Variants in LRRC8B observed in about 807,000 individuals in gnomAD.
LRRC8B encodes the protein leucine rich repeat containing 8 VRAC subunit B.
Under a neutral mutation model 58.8 loss-of-function variants are expected in LRRC8B, and 23 were observed. The observed-to-expected ratio is 0.39, with a 90% confidence interval of 0.28 to 0.55. The LOEUF (loss-of-function observed/expected upper bound fraction) is 0.55. Among genes scored for constraint, LRRC8B ranks in the 20% least tolerant of loss-of-function variants. The pLI, the probability that LRRC8B is intolerant of heterozygous loss-of-function variation, is 0.62. For missense variants in LRRC8B, 694 were observed against 936.0 expected, an observed-to-expected ratio of 0.74 and a Z score of 3.37; for synonymous variants, 359 against 374.1, an observed-to-expected ratio of 0.96 and a Z score of 0.47.
Position 89,583,000 on chromosome 1 carries a change from T to C in LRRC8B, c.350T>C (p.Phe117Ser). Residue 117 changes from phenylalanine (F) to serine (S), a missense_variant, in exon 5 of 6, where the codon TTT becomes TCT. By Grantham distance (155) the Phe-to-Ser change is radical. Around this residue, in one of 5 missense-constraint regions of LRRC8B, gnomAD observed 316 missense variants for 403.8 expected, o/e 0.78. Coordinates refer to ENST00000330947, the MANE Select transcript of LRRC8B (RefSeq NM_001369817.2). ...AVCYEKQLHWFAKFFPYLVLL... is the reference protein window; with the variant it reads ...AVCYEKQLHWSAKFFPYLVLL... Reference sequence around the variant, plus strand: ...TGTTACGAGAAACAGCTCCATTGGTTTGCAAAGTTTTTCCCCTATCTGGTG... The same window carrying C: ...TGTTACGAGAAACAGCTCCATTGGTCTGCAAAGTTTTTCCCCTATCTGGTG... 6.2e-7 allele frequency: 1 copy of C among 1,614,178 alleles called. No homozygotes were observed. The highest frequency in any genetic ancestry group is 8.5e-7 in the Non-Finnish European group (1 of 1,180,032).
chr1:89,545,359 G>A (rs1651325302), intron 1 of LRRC8B, among the ~76,000 whole-genome samples: 1 of 152,172 alleles, frequency 6.6e-6, no homozygotes, highest in Admixed American at 6.5e-5. Context: ...AATTTAGAGA[G>A]GGAGAGAGGA....
At chr1:89,532,943 T>C (rs564148693) in intron 1 of LRRC8B, among the ~76,000 whole-genome samples, 4 of 152,176 alleles carry the variant, frequency 2.6e-5, no homozygotes, top group Non-Finnish European at 5.9e-5. Context: ...ACTCTGGGCT[T>C]CTCCTTGCTT....
intron 1 of LRRC8B, among the ~76,000 whole-genome samples, chr1:89,560,993 A>G (rs1413622124): frequency 1.1e-4 from 17 of 150,090 alleles, no homozygotes; most frequent in Admixed American, 2.6e-4. Flanking sequence ...ACTAGTTTAC[A>G]GTCCCACCAA....
chr1:89,576,413 A>G (rs1158210913), intron 3 of LRRC8B, among the ~76,000 whole-genome samples: 1 of 152,132 alleles, frequency 6.6e-6, no homozygotes, highest in East Asian at 1.9e-4. Flanking sequence ...GGCCTCTCCT[A>G]GACCAATTGA....
At chr1:89,532,246 G>A (rs1333870337) in intron 1 of LRRC8B, among the ~76,000 whole-genome samples, 1 of 152,122 alleles carries the variant, frequency 6.6e-6, no homozygotes. Context: ...GCTTGTTTAT[G>A]CTCTATTCCC....
intron 1 of LRRC8B, among the ~76,000 whole-genome samples, chr1:89,542,250 T>C (rs938247821): frequency 6.6e-6 from 1 of 152,220 alleles, no homozygotes; most frequent in African/African-American, 2.4e-5. Flanking sequence ...TCTGGCTCAG[T>C]TCTCACAGTG....
chr1:89,533,464 G>A (rs359927), intron 1 of LRRC8B, among the ~76,000 whole-genome samples: 38 of 152,096 alleles, frequency 2.5e-4, no homozygotes, highest in Admixed American at 2.2e-3. Context: ...GCTTCATTCC[G>A]TAGCTTTGTT....
At chr1:89,587,268 A>G (rs1654688861) in intron 5 of LRRC8B, among the ~76,000 whole-genome samples, 2 of 152,236 alleles carry the variant, frequency 1.3e-5, no homozygotes, top group Non-Finnish European at 2.9e-5. Context: ...AAGATTATTT[A>G]CAACCTTCAG....
chr1:89,526,789 C>T (rs1241626491), intron 1 of LRRC8B, among the ~76,000 whole-genome samples: 1 of 152,188 alleles, frequency 6.6e-6, no homozygotes, highest in Non-Finnish European at 1.5e-5. Flanking sequence ...ATTAAGTTTA[C>T]CATTCTTTGA....
intron 4 of LRRC8B, among the ~76,000 whole-genome samples, chr1:89,581,574 G>A (rs1654229452): frequency 1.3e-5 from 2 of 152,170 alleles, no homozygotes; most frequent in Non-Finnish European, 1.5e-5. Flanking sequence ...AACAATTGAT[G>A]TATGTAAGAC....
At chr1:89,567,083 T>G (rs1399375747) in intron 1 of LRRC8B, among the ~76,000 whole-genome samples, 1 of 152,212 alleles carries the variant, frequency 6.6e-6, no homozygotes, top group Non-Finnish European at 1.5e-5. Flanking sequence ...CTGGTGGACG[T>G]GCTGACGCAG....
chr1:89,584,037 G>A lies in LRRC8B; in HGVS notation c.1387G>A (p.Val463Ile), dbSNP rs1654442235. 5 of 1,614,030 alleles carry A rather than the reference G, an allele frequency of 3.1e-6. No homozygotes were observed. Among genetic ancestry groups the A allele is most frequent in the Non-Finnish European group, 4.2e-6 (5 of 1,180,038 alleles). The change falls in exon 5 of 6, where the codon GTC becomes ATC. Residue 463 changes from valine (V) to isoleucine (I), a missense_variant. By Grantham distance (29) the Val-to-Ile change is conservative. This residue lies in a region of LRRC8B where 162 missense variants were observed against 198.5 expected (regional missense o/e 0.82). Coordinates refer to ENST00000330947, the MANE Select transcript of LRRC8B (RefSeq NM_001369817.2). ...GCTGCCCTCTGCAGTCTCACAGCTG[G>A]TCAACCTCAAGGAGCTTCGTGTGTA... ...VKLPSAVSQLVNLKELRVYHS... is the reference protein window; with the variant it reads ...VKLPSAVSQLINLKELRVYHS...
At chr1:89,550,832 G>T (rs1651748557) in intron 1 of LRRC8B, among the ~76,000 whole-genome samples, 1 of 152,128 alleles carries the variant, frequency 6.6e-6, no homozygotes, top group Admixed American at 6.5e-5. Flanking sequence ...TTGAATGACT[G>T]CAGTAGGTTC....
At chr1:89,547,491 T>G (rs952582421) in intron 1 of LRRC8B, among the ~76,000 whole-genome samples, 2 of 152,150 alleles carry the variant, frequency 1.3e-5, no homozygotes, top group African/African-American at 4.8e-5. Context: ...TTTTCCATAA[T>G]AAAATGTTAA....
chr1:89,531,567 GC>G (rs1650133975), intron 1 of LRRC8B, among the ~76,000 whole-genome samples: 1 of 152,168 alleles, frequency 6.6e-6, no homozygotes, highest in South Asian at 2.1e-4. Context: ...TCTGGTAGCA[GC>G]CCTCAGATAG....
chr1:89,549,266 C>T (rs12122757), intron 1 of LRRC8B, among the ~76,000 whole-genome samples: 1 of 152,192 alleles, frequency 6.6e-6, no homozygotes, highest in Non-Finnish European at 1.5e-5. Flanking sequence ...TCTATCAAAG[C>T]TAGCAAAGAG....
At position 89,596,370 on chromosome 1, in the gene LRRC8B, A is replaced by G. The variant is rs530950546; in HGVS notation, c.*3327A>G. On this transcript the variant is annotated 3_prime_UTR_variant, in exon 6 of 6. Transcript: ENST00000330947. ...ACTTCACATTGTGTTAAACAGGGTA[A>G]ATAGAGATCCTCAGTATCTCAGTGC... The G allele has an allele frequency of 1.3e-5, 2 of 152,162 alleles. No homozygotes were observed. The highest frequency in any genetic ancestry group is 2.9e-5 in the Non-Finnish European group (2 of 67,990). The allele number at this position is 152,162 out of a possible 1,614,324, so 9.4% of individuals were successfully genotyped here. A position where few individuals can be genotyped will look rare whatever the true frequency, so the allele number is the denominator to read the frequency against.
chr1:89,579,318 A>T (rs970000741), intron 3 of LRRC8B, among the ~76,000 whole-genome samples: 1 of 152,230 alleles, frequency 6.6e-6, no homozygotes, highest in African/African-American at 2.4e-5. Flanking sequence ...TGGTTTAATG[A>T]ATGTGAGTGG....
At chr1:89,548,637 C>T (rs1019097836) in intron 1 of LRRC8B, among the ~76,000 whole-genome samples, 1 of 152,162 alleles carries the variant, frequency 6.6e-6, no homozygotes, top group Non-Finnish European at 1.5e-5. Flanking sequence ...TTTGACCCCT[C>T]AGTTTTGTTT....
Sources: gnomAD v4.1 joint callset for allele counts (sites outside exome capture counted in the v4.1 genomes callset) on GRCh38, gnomAD v4.1.1 for gene constraint, gnomAD v4.1.1 regional missense constraint, MANE v1.5 for transcripts, NCBI Gene and HGNC (gene_info 2026-07-23, HGNC 2026-07-21) for gene names.